ADAMTSL1: variants seen among roughly 807,000 people sequenced by gnomAD.
The protein encoded by ADAMTSL1 is ADAMTS like 1, also known as ADAMTS-like protein 1.
A neutral mutation model predicts 201.8 loss-of-function variants in ADAMTSL1; 126 were observed. The observed-to-expected ratio is 0.62, with a 90% CI of 0.54 to 0.72. ADAMTSL1 has a LOEUF of 0.72. Among genes scored for constraint, ADAMTSL1 ranks in the 30% least tolerant of loss-of-function variants. The probability of loss-of-function intolerance (pLI) is 0.00; values close to 1 mark genes in which losing one functional copy is unlikely to be tolerated. For synonymous variants in ADAMTSL1, 1,121 were observed against 903.4 expected (o/e 1.24, Z -4.32); for missense variants, 2,679 against 2,277.8 (o/e 1.18, Z -3.59).
chr9:18,563,877 A>G (rs557142105), intron 3 of ADAMTSL1, among the ~76,000 whole-genome samples: 18 of 152,290 alleles, frequency 1.2e-4, no homozygotes, highest in Middle Eastern at 3.4e-3. Flanking sequence ...AAGCTCCAGC[A>G]TTTCAGGTCG....
chr9:18,718,879 C>T (rs542152102), intron 14 of ADAMTSL1, among the ~76,000 whole-genome samples: 1 of 152,298 alleles, frequency 6.6e-6, no homozygotes, highest in African/African-American at 2.4e-5. Flanking sequence ...TGAATAAAGG[C>T]AAAATATGTT....
chr9:18,904,633 C>CAAAAAAAAAAAAA (rs71333072), intron 26 of ADAMTSL1, among the ~76,000 whole-genome samples: 2 of 14,984 alleles, frequency 1.3e-4, no homozygotes, highest in African/African-American at 2.2e-4. Flanking sequence ...GACCCTGCCT[C>CAAAAAAAAAAAAA]AAAAAAAAAA....
chr9:18,261,012 CTTT>C (rs3085417), intron 2 of ADAMTSL1, among the ~76,000 whole-genome samples: 53 of 104,230 alleles, frequency 5.1e-4, no homozygotes, highest in Middle Eastern at 5.5e-3. Context: ...TTTCCTTTTT[CTTT>C]TTTTTTTTTT....
At chr9:18,617,946 C>A (rs1445966148) in intron 4 of ADAMTSL1, among the ~76,000 whole-genome samples, 2 of 152,096 alleles carry the variant, frequency 1.3e-5, no homozygotes, top group Non-Finnish European at 2.9e-5. Flanking sequence ...TTCAGTTTTC[C>A]ACTGTTTGCA....
chr9:18,639,248 A>G lies in ADAMTSL1; in HGVS notation c.677-6A>G. 6.2e-7 allele frequency: 1 copy of G among 1,612,466 alleles called. No homozygotes were observed. Among genetic ancestry groups the G allele is most frequent in the Non-Finnish European group, 8.5e-7 (1 of 1,178,922 alleles). On this transcript the variant is annotated splice_region_variant and splice_polypyrimidine_tract_variant and intron_variant, in intron 6 of 28. Transcript: ENST00000380548. ...TTCTCTCATCTTCACGTGTTTGATC[A>G]TATAGATCTGGAAACCAAAACCCTC...
intron 1 of ADAMTSL1, among the ~76,000 whole-genome samples, chr9:18,129,822 G>A (rs530754555): frequency 6.6e-6 from 1 of 152,126 alleles, no homozygotes; most frequent in Non-Finnish European, 1.5e-5. Context: ...TGTCTTGCAC[G>A]GCCAACAAGG....
intron 1 of ADAMTSL1, among the ~76,000 whole-genome samples, chr9:18,033,348 T>C (rs1821056532): frequency 6.6e-6 from 1 of 152,210 alleles, no homozygotes; most frequent in South Asian, 2.1e-4. Flanking sequence ...AAATACCATG[T>C]TGTATACCAT....
intron 2 of ADAMTSL1, among the ~76,000 whole-genome samples, chr9:18,228,381 C>T (rs1830509009): frequency 6.6e-6 from 1 of 152,066 alleles, no homozygotes; most frequent in Non-Finnish European, 1.5e-5. Context: ...CTGCTTGGAT[C>T]TGTGTTCTCA....
At chr9:18,629,665 C>A (rs573345997) in intron 5 of ADAMTSL1, among the ~76,000 whole-genome samples, 1 of 152,158 alleles carries the variant, frequency 6.6e-6, no homozygotes, top group Admixed American at 6.5e-5. Flanking sequence ...GGCTTTTTAT[C>A]TGTGTTCATG....
chr9:18,434,990 G>T (rs1819661748), intron 2 of ADAMTSL1, among the ~76,000 whole-genome samples: 1 of 152,164 alleles, frequency 6.6e-6, no homozygotes, highest in Admixed American at 6.5e-5. Flanking sequence ...CCTAACACCT[G>T]GTGCAACATC....
chr9:18,539,959 C>A (rs538881772), intron 3 of ADAMTSL1, among the ~76,000 whole-genome samples: 65 of 152,180 alleles, frequency 4.3e-4, no homozygotes, highest in African/African-American at 1.5e-3. Flanking sequence ...GTGCTGTAAA[C>A]AGAAATTAAG....
intron 2 of ADAMTSL1, among the ~76,000 whole-genome samples, chr9:18,338,636 C>G (rs1172541826): frequency 3.3e-5 from 5 of 152,082 alleles, no homozygotes; most frequent in Non-Finnish European, 7.4e-5. Flanking sequence ...TACAGCTCTT[C>G]TTTTAGGTTC....
At chr9:18,809,277 G>T (rs955559650) in intron 20 of ADAMTSL1, among the ~76,000 whole-genome samples, 3 of 152,182 alleles carry the variant, frequency 2.0e-5, no homozygotes, top group African/African-American at 7.2e-5. Context: ...ACTAGGAGGT[G>T]TTATTTGCAC....
At chr9:18,494,091 T>G (rs2131869075) in intron 1 of ADAMTSL1, among the ~76,000 whole-genome samples, 1 of 152,280 alleles carries the variant, frequency 6.6e-6, no homozygotes, top group African/African-American at 2.4e-5. Context: ...GGGTGGTGGC[T>G]CACGCCTGTA....
At chr9:18,063,851 C>A (rs1234659308) in intron 1 of ADAMTSL1, among the ~76,000 whole-genome samples, 1 of 152,154 alleles carries the variant, frequency 6.6e-6, no homozygotes, top group East Asian at 1.9e-4. Context: ...GCCTCTGCCT[C>A]TTGCTGTTGC....
rs1217099243 is a variant in ADAMTSL1, at chr9:18,525,062, G to C, written c.192-8185G>C. Reference sequence around the variant, plus strand: ...TCCAGTAGAATTCGGCTGTGAATCTGTCTGGTCCTGGACTTTTTTTGGTTG... The same window carrying C: ...TCCAGTAGAATTCGGCTGTGAATCTCTCTGGTCCTGGACTTTTTTTGGTTG... On this transcript the variant is annotated intron_variant, in intron 2 of 28. Coordinates refer to ENST00000380548, the MANE Select transcript of ADAMTSL1 (RefSeq NM_001040272.6). Among the ~76,000 whole-genome samples, 5 of 152,086 alleles carry C rather than the reference G, an allele frequency of 3.3e-5. 1 individual carries two copies. In the South Asian group the frequency reaches 6.2e-4, roughly 19 times the overall value.
chr9:18,474,354 GGTGT>G (rs151261509), intron 1 of ADAMTSL1, 59 bp downstream of exon 1: 4 of 1,543,112 alleles, frequency 2.6e-6, no homozygotes, highest in South Asian at 1.1e-5. Context: ...TGCTGTTGGG[GGTGT>G]GTGTGTGTAT....
intron 1 of ADAMTSL1, among the ~76,000 whole-genome samples, chr9:17,978,277 C>G (rs193049086): frequency 6.6e-6 from 1 of 151,896 alleles, no homozygotes; most frequent in Non-Finnish European, 1.5e-5. Context: ...AAAATTTAAT[C>G]GATTTTCATT....
intron 4 of ADAMTSL1, among the ~76,000 whole-genome samples, chr9:18,583,203 C>T (rs1483457658): frequency 6.6e-6 from 1 of 152,158 alleles, no homozygotes; most frequent in Admixed American, 6.5e-5. Context: ...GTTTCGTGGG[C>T]CGGGCCCAGG....
Sources: gnomAD v4.1 joint callset for allele counts (sites outside exome capture counted in the v4.1 genomes callset) on GRCh38, gnomAD v4.1.1 for gene constraint, MANE v1.5 for transcripts, NCBI Gene and HGNC (gene_info 2026-07-23, HGNC 2026-07-21) for gene names.